Variants in GARNL3 observed in about 807,000 individuals in gnomAD.
The protein encoded by GARNL3 is GTPase activating Rap/RanGAP domain like 3, also known as GTPase-activating Rap/Ran-GAP domain-like protein 3.
GARNL3 carries 63 observed loss-of-function variants against 125.0 expected under a neutral mutation model. The observed-to-expected ratio is 0.50, with a 90% CI of 0.41 to 0.62. GARNL3 has a LOEUF of 0.62. Among genes scored for constraint, GARNL3 ranks in the 20% least tolerant of loss-of-function variants. The pLI is 0.00. For missense variants in GARNL3, 994 were observed against 1,244.0 expected (o/e 0.80, Z 3.02); for synonymous variants, 439 against 457.5 (o/e 0.96, Z 0.52).
At chr9:127,380,237 TGTCA>T (rs1832177065) in intron 22 of GARNL3, among the ~76,000 whole-genome samples, 1 of 151,756 alleles carries the variant, frequency 6.6e-6, no homozygotes, top group African/African-American at 2.4e-5. Flanking sequence ...TGTGTGTGTG[TGTCA>T]GTATTTCTCC....
upstream of GARNL3, chr9:127,263,696 G>C (rs1202338828): frequency 1.8e-6 from 2 of 1,137,784 alleles, no homozygotes; most frequent in Non-Finnish European, 2.2e-6. Flanking sequence ...GTAATATCTG[G>C]AACACTTTCA....
At chr9:127,231,435 T>C (rs2063018032) in intron 1 of GARNL3, among the ~76,000 whole-genome samples, 1 of 152,018 alleles carries the variant, frequency 6.6e-6, no homozygotes, top group African/African-American at 2.4e-5. Flanking sequence ...ATCAAGAAAT[T>C]GATGAACCAG....
intron 14 of GARNL3, among the ~76,000 whole-genome samples, chr9:127,343,104 A>G (rs766983706): frequency 6.6e-6 from 1 of 151,958 alleles, no homozygotes; most frequent in East Asian, 1.9e-4. Flanking sequence ...TCTCCATGGT[A>G]GTCAGGCTGG....
intron 2 of GARNL3, among the ~76,000 whole-genome samples, chr9:127,252,498 T>A (rs2063423407): frequency 6.6e-6 from 1 of 152,228 alleles, no homozygotes; most frequent in Non-Finnish European, 1.5e-5. Context: ...ATGATAAATA[T>A]TTGTTGAGTT....
chr9:127,383,028 A>G (rs1226154682), intron 22 of GARNL3, among the ~76,000 whole-genome samples: 1 of 152,224 alleles, frequency 6.6e-6, no homozygotes, highest in Admixed American at 6.5e-5. Flanking sequence ...CTCTGCAGTC[A>G]CGCAGACCTG....
intron 2 of GARNL3, among the ~76,000 whole-genome samples, chr9:127,248,811 T>G (rs1007105690): frequency 6.6e-6 from 1 of 151,916 alleles, no homozygotes; most frequent in Non-Finnish European, 1.5e-5. Context: ...GGTTTCGCCA[T>G]GTTGCCCGGG....
chr9:127,353,557 T>C (rs919834687), intron 17 of GARNL3: 1 of 285,274 alleles, frequency 3.5e-6, no homozygotes, highest in Non-Finnish European at 6.5e-6. Context: ...GAGATGTTGC[T>C]TTTTCTTTGA....
intron 1 of GARNL3, among the ~76,000 whole-genome samples, chr9:127,273,076 A>G (rs2063863166): frequency 6.6e-6 from 1 of 152,142 alleles, no homozygotes; most frequent in Admixed American, 6.5e-5. Flanking sequence ...GTATTTACTT[A>G]TTTAATCCCC....
intron 1 of GARNL3, among the ~76,000 whole-genome samples, chr9:127,228,805 C>G (rs1473604545): frequency 6.6e-6 from 1 of 151,960 alleles, no homozygotes; most frequent in Admixed American, 6.6e-5. Context: ...GATCTTCCTC[C>G]TGTTTATACT....
chr9:127,374,646 T>A (rs1831791805), intron 22 of GARNL3, among the ~76,000 whole-genome samples: 1 of 152,018 alleles, frequency 6.6e-6, no homozygotes, highest in Admixed American at 6.6e-5. Flanking sequence ...GAACTCTCAA[T>A]GATAAGAAAA....
chr9:127,264,675 T>G, upstream of GARNL3: 1 of 1,199,232 alleles, frequency 8.3e-7, no homozygotes, highest in African/African-American at 1.6e-5. Flanking sequence ...CTTGGAAATT[T>G]CAATCGATTC....
chr9:127,264,729 G>C, upstream of GARNL3: 1 of 1,253,364 alleles, frequency 8.0e-7, no homozygotes, highest in Non-Finnish European at 1.0e-6. Context: ...ATACTTCCAG[G>C]GATGACTCTG....
At position 127,353,931 on chromosome 9, in the gene GARNL3, C is replaced by T. The variant is rs1830542028; in HGVS notation, c.1629C>T (p.Leu543=). The T allele has an allele frequency of 2.5e-6, 4 of 1,611,094 alleles. No individual in the cohort carries two copies. In the African/African-American group the frequency reaches 4.0e-5, roughly 16 times the overall value. ...HVLETLDLLV[L]RADKGKDARL... ...TTGAGACCCTGGACCTTCTGGTTCT[C>T]AGAGCAGACAAAGGTGGTATTCCCT... Residue 543 remains leucine (L), a synonymous_variant, in exon 18 of 28, where the codon CTC becomes CTT. Coordinates refer to ENST00000373387, the MANE Select transcript of GARNL3 (RefSeq NM_032293.5).
intron 2 of GARNL3, among the ~76,000 whole-genome samples, chr9:127,248,785 T>A (rs2063349464): frequency 6.6e-6 from 1 of 151,700 alleles, no homozygotes; most frequent in African/African-American, 2.4e-5. Context: ...TGTTTTTGTA[T>A]TTTTGGTAGA....
chr9:127,311,626 T>C lies in GARNL3; in HGVS notation c.220-10T>C. The C allele has an allele frequency of 6.2e-7, 1 of 1,600,478 alleles. No homozygotes were observed. Among genetic ancestry groups the C allele is most frequent in the Non-Finnish European group, 8.6e-7 (1 of 1,167,674 alleles). On this transcript the variant is annotated splice_polypyrimidine_tract_variant and intron_variant, in intron 2 of 27. Coordinates refer to ENST00000373387, the MANE Select transcript of GARNL3 (RefSeq NM_032293.5). ...AAGCCTCTTAATGTCACAACTTTGT[T>C]CCATTACAGAATGCAACTGCCCTGC...
chr9:127,313,560 G>GT lies in GARNL3; in HGVS notation c.438+2dup. ...CCGTGCAATTCTTTGGAGAAAAACA[G>GT]TAAGTATATGGCTCACACTTGAAGC... On this transcript the variant is annotated splice_donor_variant, in intron 4 of 27. Transcript: ENST00000373387. LOFTEE classifies it high-confidence loss of function. 1 of 1,596,940 alleles carries GT rather than the reference G, an allele frequency of 6.3e-7. No individual in the cohort carries two copies. Among genetic ancestry groups the GT allele is most frequent in the Non-Finnish European group, 8.6e-7 (1 of 1,164,340 alleles).
chr9:127,362,739 C>G (rs1260850436), intron 21 of GARNL3: 2 of 152,248 alleles, frequency 1.3e-5, no homozygotes, highest in Non-Finnish European at 2.9e-5. Flanking sequence ...GACCATCCTT[C>G]ATGTAATATA....
At chr9:127,358,370 G>A (rs1281826982) in intron 21 of GARNL3, among the ~76,000 whole-genome samples, 2 of 152,352 alleles carry the variant, frequency 1.3e-5, no homozygotes, top group East Asian at 3.9e-4. Context: ...AGGTACTGAG[G>A]AAACCACAGA....
At chr9:127,354,941 C>T (rs1830607313) in intron 19 of GARNL3, among the ~76,000 whole-genome samples, 1 of 152,138 alleles carries the variant, frequency 6.6e-6, no homozygotes, top group Non-Finnish European at 1.5e-5. Context: ...TACAGGTGCC[C>T]GCCAGCATTC....
Sources: allele counts gnomAD v4.1 joint callset (sites outside exome capture counted in the v4.1 genomes callset), GRCh38; gene constraint gnomAD v4.1.1; transcripts MANE v1.5; gene names NCBI Gene and HGNC (gene_info 2026-07-23, HGNC 2026-07-21).